The following RABGAP1L variants were observed in gnomAD, a reference collection of about 807,000 sequenced individuals.
RABGAP1L encodes the protein RAB GTPase activating protein 1 like.
RABGAP1L carries 63 observed loss-of-function variants against 137.7 expected under a neutral mutation model. The ratio of observed to expected loss-of-function variants is 0.46; its 90% CI spans 0.37 to 0.56. RABGAP1L has a LOEUF of 0.56. Among genes scored for constraint, RABGAP1L ranks in the 20% least tolerant of loss-of-function variants. RABGAP1L has a pLI of 0.00. For missense variants in RABGAP1L, 1,095 were observed against 1,244.0 expected (o/e 0.88, Z 1.80); for synonymous variants, 431 against 433.7 (o/e 0.99, Z 0.08).
chr1:174,611,948 G>C (rs2148215537), intron 13 of RABGAP1L, among the ~76,000 whole-genome samples: 1 of 152,336 alleles, frequency 6.6e-6, no homozygotes, highest in African/African-American at 2.4e-5. Context: ...AGCTTAAGGA[G>C]ATTTTGGGCT....
chr1:174,197,605 C>G (rs1169597958), intron 1 of RABGAP1L, among the ~76,000 whole-genome samples: 1 of 152,058 alleles, frequency 6.6e-6, no homozygotes, highest in Non-Finnish European at 1.5e-5. Context: ...ATCTGTTATG[C>G]CTGGACAACA....
intron 13 of RABGAP1L, among the ~76,000 whole-genome samples, chr1:174,529,145 T>G (rs1481714622): frequency 6.6e-6 from 1 of 152,044 alleles, no homozygotes; most frequent in East Asian, 1.9e-4. Flanking sequence ...GAATTTCTTT[T>G]TGATTGGGAT....
At position 174,975,936 on chromosome 1, in the gene RABGAP1L, T is replaced by C. The variant is rs1437925219; in HGVS notation, c.2545-142T>C. 1.0e-5 allele frequency: 7 copies of C among 689,080 alleles called. No homozygotes were observed. In the East Asian group the frequency reaches 1.7e-4, roughly 17 times the overall value. The allele number at this position is 689,080 out of a possible 1,614,324, so 42.7% of individuals were successfully genotyped here. On this transcript the variant is annotated intron_variant, in intron 21 of 25. Coordinates refer to ENST00000681986, the MANE Select transcript of RABGAP1L (RefSeq NM_001366446.1). Reference sequence around the variant, plus strand: ...GGCATTCAGTGAAAGCAGCCATCGCTTGGTTGAGCTAGGAGGGAAAATAAT... The same window carrying C: ...GGCATTCAGTGAAAGCAGCCATCGCCTGGTTGAGCTAGGAGGGAAAATAAT...
At chr1:174,930,136 A>C (rs1663543232) in intron 19 of RABGAP1L, among the ~76,000 whole-genome samples, 1 of 151,576 alleles carries the variant, frequency 6.6e-6, no homozygotes, top group Non-Finnish European at 1.5e-5. Flanking sequence ...GGTGTGAACT[A>C]CCATGGCTGG....
intron 19 of RABGAP1L, among the ~76,000 whole-genome samples, chr1:174,914,975 T>C (rs557502819): frequency 8.5e-5 from 13 of 152,340 alleles, no homozygotes; most frequent in Non-Finnish European, 1.0e-4. Context: ...CTATAGTAAA[T>C]AACAGTTATT....
intron 13 of RABGAP1L, among the ~76,000 whole-genome samples, chr1:174,423,970 TAGCCC>T (rs1651655713): frequency 2.0e-5 from 3 of 152,162 alleles, no homozygotes; most frequent in South Asian, 4.1e-4. Flanking sequence ...TCTGACAAGT[TAGCCC>T]CCTTGTTTCT....
intron 13 of RABGAP1L, among the ~76,000 whole-genome samples, chr1:174,515,649 TG>T (rs780206714): frequency 6.6e-6 from 1 of 152,164 alleles, no homozygotes; most frequent in African/African-American, 2.4e-5. Context: ...CGTGTTTCAT[TG>T]AATTACAAGT....
intron 18 of RABGAP1L, chr1:174,800,330 C>T (rs1688640311): frequency 1.3e-6 from 2 of 1,549,698 alleles, no homozygotes; most frequent in African/African-American, 1.4e-5. Flanking sequence ...CTACTTAGTG[C>T]TCATGGAAGA....
chr1:174,542,013 C>T (rs932764852), intron 13 of RABGAP1L, among the ~76,000 whole-genome samples: 6 of 152,240 alleles, frequency 3.9e-5, no homozygotes, highest in African/African-American at 1.4e-4. Flanking sequence ...TATTGAGGAT[C>T]TTTGCATCAA....
chr1:174,901,605 CA>C (rs1658151360), intron 19 of RABGAP1L, among the ~76,000 whole-genome samples: 1 of 152,128 alleles, frequency 6.6e-6, no homozygotes. Flanking sequence ...CAAACCATAT[CA>C]GGTTACAACA....
intron 1 of RABGAP1L, among the ~76,000 whole-genome samples, chr1:174,195,424 C>G (rs1035872343): frequency 1.3e-5 from 2 of 151,994 alleles, no homozygotes; most frequent in Admixed American, 6.5e-5. Context: ...TGTACATGTT[C>G]CGATTCAGAT....
At chr1:174,520,157 T>A (rs1663239841) in intron 13 of RABGAP1L, among the ~76,000 whole-genome samples, 1 of 152,238 alleles carries the variant, frequency 6.6e-6, no homozygotes, top group Non-Finnish European at 1.5e-5. Flanking sequence ...TTATCAAGAA[T>A]GTTTTCATTT....
chr1:174,443,946 A>G (rs1654443361), intron 13 of RABGAP1L, among the ~76,000 whole-genome samples: 3 of 151,946 alleles, frequency 2.0e-5, no homozygotes, highest in Non-Finnish European at 2.9e-5. Context: ...TGTCTTTTCA[A>G]CAGTGTATTT....
chr1:174,557,467 G>A (rs772305418), intron 13 of RABGAP1L, among the ~76,000 whole-genome samples: 2 of 152,074 alleles, frequency 1.3e-5, no homozygotes, highest in Admixed American at 6.5e-5. Flanking sequence ...CCCCATCCCC[G>A]TCATTCTACT....
At chr1:174,330,247 A>G (rs1368696315) in intron 11 of RABGAP1L, among the ~76,000 whole-genome samples, 1 of 151,258 alleles carries the variant, frequency 6.6e-6, no homozygotes, top group Non-Finnish European at 1.5e-5. Flanking sequence ...TAGCATTTCT[A>G]TACACCAATA....
chr1:174,844,152 A>C (rs1403586507), intron 19 of RABGAP1L, among the ~76,000 whole-genome samples: 1 of 145,462 alleles, frequency 6.9e-6, no homozygotes, highest in Admixed American at 6.9e-5. Context: ...AGGTTGCGAA[A>C]ATTTTCTCCC....
At chr1:174,608,593 A>G (rs1328183101) in intron 13 of RABGAP1L, among the ~76,000 whole-genome samples, 1 of 152,208 alleles carries the variant, frequency 6.6e-6, no homozygotes, top group Non-Finnish European at 1.5e-5. Flanking sequence ...GATCATTCAG[A>G]CAGAGGAAAT....
In RABGAP1L at chr1:174,320,793, A is replaced by G. The variant is rs538304508; in HGVS notation, c.1465+15666A>G. Among the ~76,000 whole-genome samples, 7 of 152,258 alleles carry G rather than the reference A, an allele frequency of 4.6e-5. No homozygotes were observed. The East Asian group carries it at 1.4e-3, about 29-fold the overall frequency. On this transcript the variant is annotated intron_variant, in intron 11 of 25. Coordinates refer to ENST00000681986, the MANE Select transcript of RABGAP1L (RefSeq NM_001366446.1). ...GTAAGCTGAGGGTGTATGTCGCCTC[A>G]GGACCCTGTGATGATTGTGTTAACT...
chr1:174,361,091 A>T (rs1684103341), intron 11 of RABGAP1L, among the ~76,000 whole-genome samples: 1 of 152,048 alleles, frequency 6.6e-6, no homozygotes. Context: ...CGGGAGGCAG[A>T]GCTTGCAGTG....
Sources: gnomAD v4.1 joint callset for allele counts (sites outside exome capture counted in the v4.1 genomes callset) on GRCh38, gnomAD v4.1.1 for gene constraint, MANE v1.5 for transcripts, NCBI Gene and HGNC (gene_info 2026-07-23, HGNC 2026-07-21) for gene names.